The following FAM120B variants were observed in gnomAD, a reference collection of about 807,000 sequenced individuals.
The protein encoded by FAM120B is constitutive coactivator of peroxisome proliferator-activated receptor gamma.
FAM120B carries 83 observed loss-of-function variants against 96.3 expected under a neutral mutation model. The ratio of observed to expected loss-of-function variants is 0.86; its 90% CI spans 0.72 to 1.03. The LOEUF is 1.03. Ranked by LOEUF, FAM120B falls within the 50% of genes least tolerant of loss-of-function variation. The pLI, the probability that FAM120B is intolerant of heterozygous loss-of-function variation, is 0.00. For missense variants in FAM120B, 1,027 were observed against 1,121.2 expected (o/e 0.92, Z 1.20); for synonymous variants, 407 against 402.7 (o/e 1.01, Z -0.13).
Position 170,363,011 on chromosome 6 carries a change from T to C in FAM120B, c.2283+4693T>C, listed in dbSNP as rs1017048896. ...GATGATTTTATAAATGAGCTCTTGC[T>C]CTCTTTTTGGAGAAAAAGCCGAGAA... On this transcript the variant is annotated intron_variant, in intron 6 of 10. Transcript: ENST00000476287. This position sits in a 1 kb window ranked among gnomAD's most constrained non-coding sequence, Gnocchi z 4.5. Among the ~76,000 whole-genome samples the C allele has an allele frequency of 1.3e-5, 2 of 152,182 alleles. No individual in the cohort carries two copies. Among genetic ancestry groups the C allele is most frequent in the African/African-American group, 4.8e-5 (2 of 41,430 alleles).
chr6:170,319,693 C>T (rs1449012877), intron 2 of FAM120B, among the ~76,000 whole-genome samples: 1 of 152,054 alleles, frequency 6.6e-6, no homozygotes, highest in Non-Finnish European at 1.5e-5. Context: ...GAGAAGTTCC[C>T]CAAAGAGGTA....
At chr6:170,290,753 G>A (rs1783844645), upstream of FAM120B, 2 of 458,852 alleles carry the variant, frequency 4.4e-6, no homozygotes, top group East Asian at 9.5e-5. The surrounding 1 kb of genome is among the most constrained non-coding windows in gnomAD (Gnocchi z 4.7). Context: ...TCCGATCTCC[G>A]GTGTCACAGC....
chr6:170,371,394 A>G (rs1488204709), intron 6 of FAM120B, among the ~76,000 whole-genome samples: 2 of 152,164 alleles, frequency 1.3e-5, no homozygotes, highest in Admixed American at 1.3e-4. Flanking sequence ...CCTGTGAATA[A>G]TGCTGCTATG....
chr6:170,394,983 A>C (rs1054015168), intron 8 of FAM120B, among the ~76,000 whole-genome samples: 7 of 152,256 alleles, frequency 4.6e-5, no homozygotes, highest in Non-Finnish European at 1.0e-4. Flanking sequence ...GTTTGTATGT[A>C]ATCAGGCCTT....
intron 5 of FAM120B, among the ~76,000 whole-genome samples, chr6:170,355,898 C>G (rs1265748333): frequency 6.6e-6 from 1 of 152,060 alleles, no homozygotes; most frequent in Non-Finnish European, 1.5e-5. Flanking sequence ...CTGACTTTTC[C>G]CACCCATAAA....
At chr6:170,374,614 C>A (rs1354973518) in intron 6 of FAM120B, among the ~76,000 whole-genome samples, 1 of 152,190 alleles carries the variant, frequency 6.6e-6, no homozygotes, top group African/African-American at 2.4e-5. Context: ...TAAGAATGAA[C>A]ACGTCTTGTC....
chr6:170,311,059 TC>T (rs2114999610), intron 1 of FAM120B, among the ~76,000 whole-genome samples: 1 of 152,344 alleles, frequency 6.6e-6, no homozygotes, highest in East Asian at 1.9e-4. Flanking sequence ...TGGCCCTGCA[TC>T]CCTCTAGCCT....
At chr6:170,383,622 T>C (rs541793325) in intron 6 of FAM120B, among the ~76,000 whole-genome samples, 3 of 152,178 alleles carry the variant, frequency 2.0e-5, no homozygotes, top group Non-Finnish European at 4.4e-5. Context: ...TTAGAGCAGC[T>C]AAAATTAAAA....
intron 6 of FAM120B, among the ~76,000 whole-genome samples, chr6:170,382,513 T>G (rs1344578934): frequency 6.6e-6 from 1 of 152,208 alleles, no homozygotes; most frequent in African/African-American, 2.4e-5. Context: ...TTAATGAACA[T>G]ATGGAAACCT....
At chr6:170,339,128 T>C (rs1180073159) in intron 4 of FAM120B, among the ~76,000 whole-genome samples, 1 of 152,194 alleles carries the variant, frequency 6.6e-6, no homozygotes, top group Non-Finnish European at 1.5e-5. Flanking sequence ...TTTTTTGGTG[T>C]GTTTTTGCAG....
intron 6 of FAM120B, among the ~76,000 whole-genome samples, chr6:170,359,214 A>G (rs1157327017): frequency 6.6e-6 from 1 of 152,156 alleles, no homozygotes; most frequent in Non-Finnish European, 1.5e-5. Context: ...CAGCCTGGCC[A>G]ACATGGTGAA....
chr6:170,330,398 C>A, intron 3 of FAM120B, 51 bp from the exon 4 acceptor site: 4 of 1,430,020 alleles, frequency 2.8e-6, no homozygotes, highest in Non-Finnish European at 2.9e-6. Context: ...ACACTGTGAG[C>A]CTGGCGATGC....
chr6:170,315,181 G>A (rs1354765794), intron 1 of FAM120B, among the ~76,000 whole-genome samples: 1 of 152,216 alleles, frequency 6.6e-6, no homozygotes, highest in Non-Finnish European at 1.5e-5. Flanking sequence ...TTCCCTCACA[G>A]CGTAGAAATC....
At position 170,395,543 on chromosome 6, in the gene FAM120B, T is replaced by C. The variant is rs1173408330; in HGVS notation, c.2656T>C (p.Ser886Pro). The change falls in exon 9 of 11, where the codon TCC becomes CCC. Residue 886 changes from serine to proline, a missense_variant. By Grantham distance (74) the Ser-to-Pro change is moderately conservative. Transcript: ENST00000476287. Reference protein sequence around the residue: ...YHRTGSGYSRSSQGQPWRDQG... With the variant: ...YHRTGSGYSRPSQGQPWRDQG... ...CAGGACGGGCTCTGGGTATAGCCGT[T>C]CCAGTCAGGGACAGCCGTGGAGAGA... 6.2e-7 allele frequency: 1 copy of C among 1,600,128 alleles called. No homozygotes were observed. Among genetic ancestry groups the C allele is most frequent in the Admixed American group, 1.7e-5 (1 of 58,520 alleles).
At chr6:170,338,050 A>C (rs1015430715) in intron 4 of FAM120B, among the ~76,000 whole-genome samples, 2 of 150,970 alleles carry the variant, frequency 1.3e-5, no homozygotes, top group Non-Finnish European at 2.9e-5. Context: ...CTCTGATCTT[A>C]GTTATTTCTT....
chr6:170,309,718 C>G (rs1012196246), intron 1 of FAM120B, among the ~76,000 whole-genome samples: 3 of 152,204 alleles, frequency 2.0e-5, no homozygotes, highest in Admixed American at 6.5e-5. Context: ...TACAGTAAAA[C>G]CATGGCTAAC....
intron 9 of FAM120B, among the ~76,000 whole-genome samples, chr6:170,400,466 G>A (rs1046333518): frequency 6.6e-6 from 1 of 152,108 alleles, no homozygotes; most frequent in Non-Finnish European, 1.5e-5. Flanking sequence ...GAGGCGGCCT[G>A]CTGTGGTAGC....
upstream of FAM120B, chr6:170,291,176 C>G: frequency 1.5e-6 from 1 of 659,338 alleles, no homozygotes; most frequent in South Asian, 1.6e-5. Flanking sequence ...CCTCCCTCAC[C>G]ACACAAAACG....
intron 9 of FAM120B, among the ~76,000 whole-genome samples, chr6:170,402,042 C>G (rs1047163983): frequency 1.4e-4 from 21 of 152,266 alleles, no homozygotes; most frequent in Non-Finnish European, 2.6e-4. Context: ...GCCCTGCACC[C>G]TGCGTGTCCC....
Sources: allele counts gnomAD v4.1 joint callset (sites outside exome capture counted in the v4.1 genomes callset), GRCh38; gene constraint gnomAD v4.1.1; non-coding constraint Gnocchi (gnomAD v3.1); transcripts MANE v1.5; gene names NCBI Gene and HGNC (gene_info 2026-07-23, HGNC 2026-07-21).